Variants in ADAMTS17 observed in about 807,000 individuals in gnomAD.
ADAMTS17 encodes A disintegrin and metalloproteinase with thrombospondin motifs 17.
ADAMTS17 carries 113 observed loss-of-function variants against 141.5 expected under a neutral mutation model. That is an observed-to-expected ratio of 0.80 (90% confidence interval 0.69 to 0.93). The LOEUF (loss-of-function observed/expected upper bound fraction) is 0.93. Ranked by LOEUF, ADAMTS17 falls within the 40% of genes least tolerant of loss-of-function variation. The pLI, the probability that ADAMTS17 is intolerant of heterozygous loss-of-function variation, is 0.00. For missense variants in ADAMTS17, 1,659 were observed against 1,517.9 expected (o/e 1.09, Z -1.54); for synonymous variants, 768 against 630.6 (o/e 1.22, Z -3.27).
intron 9 of ADAMTS17, among the ~76,000 whole-genome samples, chr15:100,153,371 G>T (rs978394422): frequency 2.0e-5 from 3 of 151,944 alleles, no homozygotes; most frequent in Non-Finnish European, 4.4e-5. Flanking sequence ...CCGGGCTCGG[G>T]GGCTCACACC....
rs1343232182 is a variant in ADAMTS17, at chr15:100,341,086, G to A, written c.403C>T (p.Pro135Ser). The A allele has an allele frequency of 6.6e-7, 1 of 1,519,830 alleles. No homozygotes were observed. 94.1% of individuals were successfully genotyped at this position (1,519,830 alleles called of 1,614,324 possible). A position where few individuals can be genotyped will look rare whatever the true frequency, so the allele number is the denominator to read the frequency against. ...CFYSGRVLGHPGSLVSLSACG... is the reference protein window; with the variant it reads ...CFYSGRVLGHSGSLVSLSACG... ...GCGCTGAGCGAGACGAGGGAGCCGG[G>A]GTGGCCGAGCACACGGCCCGAGTAG... The change falls in exon 2 of 22, where the codon CCC becomes TCC. Residue 135 changes from proline to serine, a missense_variant. By Grantham distance (74) the Pro-to-Ser change is moderately conservative (BLOSUM62 -1). Transcript: ENST00000268070.
chr15:100,145,155 G>A (rs2038840917), intron 10 of ADAMTS17, among the ~76,000 whole-genome samples: 1 of 152,072 alleles, frequency 6.6e-6, no homozygotes, highest in South Asian at 2.1e-4. Context: ...CAAAACTGCT[G>A]CCCCATTAAT....
intron 20 of ADAMTS17, among the ~76,000 whole-genome samples, chr15:99,992,740 T>A (rs2141327478): frequency 6.6e-6 from 1 of 152,324 alleles, no homozygotes; most frequent in African/African-American, 2.4e-5. Context: ...CCGCACAGCA[T>A]GGCAAGCCTG....
chr15:100,121,741 A>G (rs151042109), intron 12 of ADAMTS17, among the ~76,000 whole-genome samples: 82 of 152,000 alleles, frequency 5.4e-4, no homozygotes, highest in Admixed American at 1.6e-3. Context: ...TGTAACCTGA[A>G]TGCAGGAGGA....
At chr15:100,277,401 G>T (rs1057417904) in intron 4 of ADAMTS17, among the ~76,000 whole-genome samples, 24 of 152,216 alleles carry the variant, frequency 1.6e-4, no homozygotes, top group Middle Eastern at 6.8e-3. Context: ...TCCCTGCCTG[G>T]GATCAAACAG....
At chr15:100,206,240 G>C (rs192871921) in intron 7 of ADAMTS17, among the ~76,000 whole-genome samples, 1 of 152,204 alleles carries the variant, frequency 6.6e-6, no homozygotes, top group Non-Finnish European at 1.5e-5. Context: ...TTGGCATTCA[G>C]GAAACACCAT....
chr15:100,146,941 T>A (rs1368287621), intron 10 of ADAMTS17, among the ~76,000 whole-genome samples: 4 of 152,290 alleles, frequency 2.6e-5, no homozygotes, highest in Admixed American at 6.5e-5. Context: ...TGTCTCCTGA[T>A]AAGATGTTAT....
Position 99,971,543 on chromosome 15 carries a change from T to C in ADAMTS17, c.*2859A>G, listed in dbSNP as rs1372618986. 1 of 152,064 alleles carries C rather than the reference T, an allele frequency of 6.6e-6. No individual in the cohort carries two copies. Among genetic ancestry groups the C allele is most frequent in the African/African-American group, 2.4e-5 (1 of 41,384 alleles). 9.4% of individuals were successfully genotyped at this position (152,064 alleles called of 1,614,324 possible). A position where few individuals can be genotyped will look rare whatever the true frequency, so the allele number is the denominator to read the frequency against. On this transcript the variant is annotated 3_prime_UTR_variant, in exon 22 of 22. Transcript: ENST00000268070. ...AATGGCGTCCAATGTTTGTCTTCCG[T>C]TTTTTTTCCTTTCAAAACCAGCCCC... is the stretch of plus-strand genomic sequence containing the variant.
chr15:100,036,348 G>A (rs561247291), intron 18 of ADAMTS17, among the ~76,000 whole-genome samples: 1 of 152,360 alleles, frequency 6.6e-6, no homozygotes, highest in South Asian at 2.1e-4. Context: ...GACAGAGGAA[G>A]GGGTGAGAGA....
At chr15:100,247,847 T>A (rs960352152) in intron 7 of ADAMTS17, among the ~76,000 whole-genome samples, 3 of 152,048 alleles carry the variant, frequency 2.0e-5, no homozygotes, top group Admixed American at 6.5e-5. Flanking sequence ...AACCGATGCT[T>A]TGTTCCCAAA....
chr15:99,998,134 C>T (rs767549559), intron 18 of ADAMTS17, among the ~76,000 whole-genome samples: 1 of 152,164 alleles, frequency 6.6e-6, no homozygotes, highest in Non-Finnish European at 1.5e-5. Flanking sequence ...TTGATACAGC[C>T]ACTGACAAAG....
rs183645279 is a variant in ADAMTS17, at chr15:100,251,267, C to T, written c.1075+2869G>A. On this transcript the variant is annotated intron_variant, in intron 7 of 21. Transcript: ENST00000268070. ...AGACTTTCTTGTTAAGGAAGTGAGA[C>T]GCATGCACCTGGGAGGGGATATGAG... 3.4e-3 allele frequency among the ~76,000 whole-genome samples: 512 copies of T among 152,262 alleles called. 7 individuals carry two copies. The highest frequency in any genetic ancestry group is 0.012 in the African/African-American group (488 of 41,542).
chr15:100,119,709 C>CA (rs1233165437), intron 12 of ADAMTS17, among the ~76,000 whole-genome samples: 20 of 152,374 alleles, frequency 1.3e-4, no homozygotes, highest in African/African-American at 4.6e-4. Flanking sequence ...TGGGATACCA[C>CA]ACGTGCCTTG....
At chr15:100,060,658 C>T (rs1316849087) in intron 15 of ADAMTS17, among the ~76,000 whole-genome samples, 1 of 152,232 alleles carries the variant, frequency 6.6e-6, no homozygotes, top group Non-Finnish European at 1.5e-5. Context: ...AGTCAACCTA[C>T]TTCTAAACCT....
chr15:100,102,598 T>C (rs1188803991), intron 14 of ADAMTS17, among the ~76,000 whole-genome samples: 1 of 151,624 alleles, frequency 6.6e-6, no homozygotes, highest in African/African-American at 2.4e-5. Flanking sequence ...CTGAAGGAGA[T>C]CTACATTTGA....
chr15:100,069,288 G>A (rs1320844173), intron 15 of ADAMTS17, among the ~76,000 whole-genome samples: 1 of 152,218 alleles, frequency 6.6e-6, no homozygotes, highest in East Asian at 1.9e-4. Flanking sequence ...GAAAGTGACG[G>A]GGAGAATGGA....
At chr15:100,175,966 G>C (rs955509546) in intron 8 of ADAMTS17, among the ~76,000 whole-genome samples, 1 of 152,114 alleles carries the variant, frequency 6.6e-6, no homozygotes, top group African/African-American at 2.4e-5. Flanking sequence ...TATGAAACTT[G>C]GCAGCCGAAA....
In ADAMTS17 at chr15:100,078,721, G is replaced by A. The variant is rs148285962; in HGVS notation, c.2137+17635C>T. On this transcript the variant is annotated intron_variant, in intron 15 of 21. Transcript: ENST00000268070. Reference sequence around the variant, plus strand: ...AACAAAAGAAAAAATAGTTTAACTGGATTGCATCAAAACTGAAAACCTGTG... The same window carrying A: ...AACAAAAGAAAAAATAGTTTAACTGAATTGCATCAAAACTGAAAACCTGTG... Among the ~76,000 whole-genome samples the A allele has an allele frequency of 7.2e-5, 11 of 152,294 alleles. No homozygotes were observed. In the East Asian group the frequency reaches 1.9e-3, roughly 27 times the overall value.
intron 20 of ADAMTS17, chr15:99,980,734 G>A (rs2060467077): frequency 6.6e-6 from 1 of 152,218 alleles, no homozygotes; most frequent in Non-Finnish European, 1.5e-5. Flanking sequence ...CAAGGGCAAG[G>A]GCTTCACCCT....
Sources: gnomAD v4.1 joint callset for allele counts (sites outside exome capture counted in the v4.1 genomes callset) on GRCh38, gnomAD v4.1.1 for gene constraint, MANE v1.5 for transcripts, NCBI Gene and HGNC (gene_info 2026-07-23, HGNC 2026-07-21) for gene names.